PRIM2: variants seen among roughly 807,000 people sequenced by gnomAD.
The protein encoded by PRIM2 is DNA primase large subunit.
A neutral mutation model predicts 67.3 loss-of-function variants in PRIM2; 39 were observed. The observed-to-expected ratio is 0.58, with a 90% CI of 0.45 to 0.76. The LOEUF is 0.76. Among genes scored for constraint, PRIM2 ranks in the 30% least tolerant of loss-of-function variants. The probability of loss-of-function intolerance (pLI) is 0.00; values close to 1 mark genes in which losing one functional copy is unlikely to be tolerated. For synonymous variants in PRIM2, 143 were observed against 198.7 expected (o/e 0.72, Z 2.36); for missense variants, 398 against 598.7 (o/e 0.66, Z 3.50).
chr6:57,539,097 C>G (rs1371012353), intron 10 of PRIM2, among the ~76,000 whole-genome samples: 3 of 152,050 alleles, frequency 2.0e-5, no homozygotes, highest in African/African-American at 7.2e-5. Context: ...CTGTCTTCAT[C>G]GACAATTATC....
rs552500523 is a variant in PRIM2, at chr6:57,407,074, T to C, written c.693+24906T>C. 3.9e-5 allele frequency among the ~76,000 whole-genome samples: 6 copies of C among 151,946 alleles called. No homozygotes were observed. In the South Asian group the frequency reaches 8.4e-4, roughly 21 times the overall value. ...TGAAACAAAAGAATGGTAAACAAGA[T>C]TGGTAACCCGAATGTTATCTTCTTT... On this transcript the variant is annotated intron_variant, in intron 7 of 13. Transcript: ENST00000615550.
intron 5 of PRIM2, among the ~76,000 whole-genome samples, chr6:57,366,273 G>T (rs1769354953): frequency 6.6e-6 from 1 of 152,158 alleles, no homozygotes; most frequent in Non-Finnish European, 1.5e-5. Context: ...GAAAGACATG[G>T]TGCGCTATAG....
At chr6:57,516,934 G>A (rs1258066088) in intron 8 of PRIM2, among the ~76,000 whole-genome samples, 16 of 152,244 alleles carry the variant, frequency 1.1e-4, no homozygotes, top group African/African-American at 3.9e-4. Flanking sequence ...ATGTGAGCAC[G>A]TAGCATCCTG....
intron 11 of PRIM2, among the ~76,000 whole-genome samples, chr6:57,602,921 C>T (rs1223601892): frequency 3.3e-5 from 5 of 152,176 alleles, no homozygotes; most frequent in African/African-American, 9.7e-5. Flanking sequence ...TATACCTCCA[C>T]GCCCCAACAC....
At chr6:57,428,554 T>C (rs1330651835) in intron 7 of PRIM2, among the ~76,000 whole-genome samples, 5 of 152,304 alleles carry the variant, frequency 3.3e-5, no homozygotes, top group African/African-American at 9.6e-5. Context: ...ATTGACAGCA[T>C]GCCTACAAGT....
At chr6:57,346,323 C>CTT (rs112400346) in intron 5 of PRIM2, among the ~76,000 whole-genome samples, 1 of 148,330 alleles carries the variant, frequency 6.7e-6, no homozygotes, top group Non-Finnish European at 1.5e-5. Context: ...TAAATGTATA[C>CTT]TTTTTTTTTT....
At chr6:57,331,956 CTCTTT>C (rs1167441819) in intron 5 of PRIM2, among the ~76,000 whole-genome samples, 2 of 151,282 alleles carry the variant, frequency 1.3e-5, no homozygotes, top group Non-Finnish European at 2.9e-5. Flanking sequence ...GTTTGGTTTG[CTCTTT>C]TCTTCTAGTT....
the PRIM2 span, among the ~76,000 whole-genome samples, chr6:57,243,602 G>A: frequency 1.1e-4 from 16 of 152,112 alleles, no homozygotes; most frequent in African/African-American, 2.7e-4. Flanking sequence ...CCAAGTAGCC[G>A]AGACTACAGG....
At chr6:57,499,899 A>G (rs1378337930) in intron 7 of PRIM2, among the ~76,000 whole-genome samples, 3 of 152,158 alleles carry the variant, frequency 2.0e-5, no homozygotes, top group Non-Finnish European at 4.4e-5. Context: ...TCTGCTACTT[A>G]TTTGCTGATA....
At chr6:57,516,539 C>G (rs1426290973) in intron 8 of PRIM2, among the ~76,000 whole-genome samples, 20 of 152,048 alleles carry the variant, frequency 1.3e-4, no homozygotes, top group Admixed American at 1.1e-3. Context: ...TACTGATTTT[C>G]TTTTTAATAT....
chr6:57,256,024 TAC>T, the PRIM2 span, among the ~76,000 whole-genome samples: 10,042 of 110,714 alleles, frequency 0.091, 327 homozygotes, highest in African/African-American at 0.16. Flanking sequence ...CACACACACA[TAC>T]ACACACACAC....
chr6:57,346,358 C>T (rs1399800870), intron 5 of PRIM2, among the ~76,000 whole-genome samples: 1 of 152,064 alleles, frequency 6.6e-6, no homozygotes, highest in Non-Finnish European at 1.5e-5. Context: ...ACTCTGTCGC[C>T]CAGGCTGGAG....
At chr6:57,400,928 A>G (rs1770684993) in intron 7 of PRIM2, among the ~76,000 whole-genome samples, 1 of 152,002 alleles carries the variant, frequency 6.6e-6, no homozygotes, top group Non-Finnish European at 1.5e-5. Flanking sequence ...TGGATTGTGA[A>G]ATTCTTGTAT....
At chr6:57,608,698 G>T (rs1255285293) in intron 12 of PRIM2, among the ~76,000 whole-genome samples, 3 of 150,254 alleles carry the variant, frequency 2.0e-5, no homozygotes, top group African/African-American at 7.4e-5. Flanking sequence ...TGGCAATGGA[G>T]TGAGACCCTG....
At chr6:57,474,821 A>G (rs1773436114) in intron 7 of PRIM2, among the ~76,000 whole-genome samples, 1 of 152,224 alleles carries the variant, frequency 6.6e-6, no homozygotes, top group African/African-American at 2.4e-5. Flanking sequence ...GCCAGACACC[A>G]GAGCCAAGCT....
At chr6:57,312,931 T>C (rs1030059325), upstream of PRIM2, among the ~76,000 whole-genome samples, 1 of 152,234 alleles carries the variant, frequency 6.6e-6, no homozygotes, top group Non-Finnish European at 1.5e-5. Context: ...CCAGCACCAT[T>C]TAGAATTGTC....
chr6:57,249,373 A>T, the PRIM2 span, among the ~76,000 whole-genome samples: 4 of 152,350 alleles, frequency 2.6e-5, no homozygotes, highest in Admixed American at 1.3e-4. Flanking sequence ...GGGTAAGAAT[A>T]GCATAGAACT....
chr6:57,533,956 C>A (rs1774944770), intron 9 of PRIM2, among the ~76,000 whole-genome samples: 4 of 152,172 alleles, frequency 2.6e-5, no homozygotes, highest in African/African-American at 9.7e-5. Flanking sequence ...GTGCCTGAGA[C>A]CCCGTGGTGA....
At chr6:57,435,300 G>C (rs1349009785) in intron 7 of PRIM2, 9 of 152,254 alleles carry the variant, frequency 5.9e-5, no homozygotes, top group Admixed American at 5.2e-4. Context: ...ACAGAATTTG[G>C]TGAGGTTTAG....
Sources: gnomAD v4.1 joint callset for allele counts (sites outside exome capture counted in the v4.1 genomes callset) on GRCh38, gnomAD v4.1.1 for gene constraint, MANE v1.5 for transcripts, NCBI Gene and HGNC (gene_info 2026-07-23, HGNC 2026-07-21) for gene names.